Variants in SIPA1L3 observed in about 807,000 individuals in gnomAD.
SIPA1L3 encodes the protein signal induced proliferation associated 1 like 3.
Under a neutral mutation model 150.1 loss-of-function variants are expected in SIPA1L3, and 59 were observed. The ratio of observed to expected loss-of-function variants is 0.39; its 90% confidence interval spans 0.32 to 0.49. The LOEUF is 0.49. Among genes scored for constraint, SIPA1L3 ranks in the 20% least tolerant of loss-of-function variants. SIPA1L3 has a pLI of 0.86. For synonymous variants in SIPA1L3, 1,070 were observed against 1,077.6 expected, an observed-to-expected ratio of 0.99 and a Z score of 0.14; for missense variants, 2,211 against 2,489.5, an observed-to-expected ratio of 0.89 and a Z score of 2.38.
At chr19:38,087,000 T>C (rs1442981559) in intron 3 of SIPA1L3, among the ~76,000 whole-genome samples, 1 of 152,106 alleles carries the variant, frequency 6.6e-6, no homozygotes, top group Non-Finnish European at 1.5e-5. Flanking sequence ...CTTGATCAGG[T>C]GTTGAAGATG....
intron 1 of SIPA1L3, among the ~76,000 whole-genome samples, chr19:37,919,466 A>G (rs1210169390): frequency 6.6e-6 from 1 of 152,172 alleles, no homozygotes; most frequent in African/African-American, 2.4e-5. Context: ...TGAGTTACAG[A>G]GAAGTTCAAG....
chr19:38,100,173 G>A, intron 5 of SIPA1L3, 23 bp downstream of exon 5: 1 of 1,516,946 alleles, frequency 6.6e-7, no homozygotes, highest in Non-Finnish European at 8.8e-7. Context: ...CTGGAGGTGG[G>A]GGTGCTGCTG....
intron 2 of SIPA1L3, among the ~76,000 whole-genome samples, chr19:38,068,726 A>T (rs919374186): frequency 2.0e-5 from 3 of 152,168 alleles, no homozygotes; most frequent in Non-Finnish European, 2.9e-5. Flanking sequence ...TTGTGGTGGC[A>T]CACAGCTGTA....
chr19:37,939,658 G>A (rs2145520398), intron 1 of SIPA1L3, among the ~76,000 whole-genome samples: 1 of 152,332 alleles, frequency 6.6e-6, no homozygotes, highest in African/African-American at 2.4e-5. Context: ...AAGAAAAAAG[G>A]AGACTTAAAT....
At chr19:38,062,564 A>C (rs1328318261) in intron 2 of SIPA1L3, among the ~76,000 whole-genome samples, 2 of 152,172 alleles carry the variant, frequency 1.3e-5, no homozygotes, top group East Asian at 3.9e-4. Context: ...CAGGATGCCC[A>C]CTTGGGCTCA....
chr19:37,985,147 C>T (rs1004597239), intron 1 of SIPA1L3, among the ~76,000 whole-genome samples: 1 of 151,934 alleles, frequency 6.6e-6, no homozygotes, highest in Non-Finnish European at 1.5e-5. Flanking sequence ...CAGTTTGAGA[C>T]CAGCCTGGGC....
At chr19:38,060,817 G>A (rs927215800) in intron 2 of SIPA1L3, among the ~76,000 whole-genome samples, 3 of 151,946 alleles carry the variant, frequency 2.0e-5, no homozygotes, top group African/African-American at 7.3e-5. Flanking sequence ...TCAGCCTCCC[G>A]AGTAGCTGGG....
At chr19:37,942,013 C>T (rs891648826) in intron 1 of SIPA1L3, among the ~76,000 whole-genome samples, 7 of 152,314 alleles carry the variant, frequency 4.6e-5, no homozygotes, top group Non-Finnish European at 7.3e-5. Context: ...TATCTAAGGG[C>T]CTCTTTGCTG....
rs138171157 is a variant in SIPA1L3 at position 38,070,236 on chromosome 19, G to C, written c.-310-11020G>C. On this transcript the variant is annotated intron_variant, in intron 2 of 21. Coordinates refer to ENST00000222345, the MANE Select transcript of SIPA1L3 (RefSeq NM_015073.3). ...TCTATCTATCTATTTTTGAGACAGG[G>C]TCTTGCTCTGTCACCCAGGCTGGAG... Among the ~76,000 whole-genome samples, 358 of 112,338 alleles carry C rather than the reference G, an allele frequency of 3.2e-3. 1 individual carries two copies. The highest frequency in any genetic ancestry group is 0.017 in the African/African-American group (345 of 20,678). The allele number at this position is 112,338 out of a possible 152,430, so 73.7% of individuals were successfully genotyped here. A position where few individuals can be genotyped will look rare whatever the true frequency, so the allele number is the denominator to read the frequency against.
At chr19:38,195,157 C>T (rs370191391) in intron 18 of SIPA1L3, among the ~76,000 whole-genome samples, 56 of 152,312 alleles carry the variant, frequency 3.7e-4, no homozygotes, top group African/African-American at 1.2e-3. Flanking sequence ...CCTCACAGAG[C>T]CTTCCTTTTG....
At chr19:38,106,167 C>T (rs28700884) in intron 6 of SIPA1L3, 6 of 256,340 alleles carry the variant, frequency 2.3e-5, no homozygotes, top group Non-Finnish European at 4.5e-5. Context: ...AGTGCAGTGG[C>T]GTGATCTCGG....
chr19:38,033,800 C>G (rs763209661), intron 2 of SIPA1L3, among the ~76,000 whole-genome samples: 2 of 152,062 alleles, frequency 1.3e-5, no homozygotes, highest in Non-Finnish European at 2.9e-5. Context: ...GCTCAGCCAC[C>G]CACTGTTTTT....
chr19:38,082,064 C>T lies in SIPA1L3; in HGVS notation c.499C>T (p.Arg167Trp). The change falls in exon 3 of 22, where the codon CGG (arginine) becomes TGG (tryptophan). Residue 167 changes from arginine to tryptophan, a missense_variant. By Grantham distance (101) the Arg-to-Trp change is moderately radical (BLOSUM62 -3). Coordinates refer to ENST00000222345, the MANE Select transcript of SIPA1L3 (RefSeq NM_015073.3). ...CCCCGGCAGGGCCTTCCTCCCCCTT[C>T]GGCACCGCAGCAGCAGCGAGATCAC... ...RSPGRAFLPL[R>W]HRSSSEITLS... The T allele has an allele frequency of 1.9e-6, 3 of 1,613,204 alleles. No homozygotes were observed. The highest frequency in any genetic ancestry group is 2.5e-6 in the Non-Finnish European group (3 of 1,179,966).
chr19:38,048,591 A>T (rs1969113636), intron 2 of SIPA1L3, among the ~76,000 whole-genome samples: 1 of 152,182 alleles, frequency 6.6e-6, no homozygotes, highest in Admixed American at 6.5e-5. Flanking sequence ...AGCTGAAAAA[A>T]GCAGAAGTGG....
intron 13 of SIPA1L3, among the ~76,000 whole-genome samples, chr19:38,160,728 A>G (rs902138567): frequency 6.6e-6 from 1 of 151,988 alleles, no homozygotes; most frequent in Non-Finnish European, 1.5e-5. Context: ...CACTACTCTT[A>G]AACCCGCTTC....
intron 16 of SIPA1L3, among the ~76,000 whole-genome samples, chr19:38,191,495 G>T (rs1005970439): frequency 6.6e-5 from 10 of 151,412 alleles, no homozygotes; most frequent in African/African-American, 2.4e-4. Flanking sequence ...TATGGTTCAC[G>T]TTCTGCTGGG....
intron 1 of SIPA1L3, among the ~76,000 whole-genome samples, chr19:37,920,446 ACAGG>A (rs1293109391): frequency 3.9e-5 from 6 of 152,178 alleles, no homozygotes; most frequent in African/African-American, 9.7e-5. Flanking sequence ...AATAATATAG[ACAGG>A]CAGAGAGTGC....
At chr19:38,001,610 A>G (rs977660540) in intron 1 of SIPA1L3, among the ~76,000 whole-genome samples, 1 of 152,062 alleles carries the variant, frequency 6.6e-6, no homozygotes, top group African/African-American at 2.4e-5. Flanking sequence ...TATTATTCGT[A>G]GAGACTGGGT....
chr19:37,930,588 C>T (rs745786727), intron 1 of SIPA1L3, among the ~76,000 whole-genome samples: 2 of 152,208 alleles, frequency 1.3e-5, no homozygotes, highest in Admixed American at 6.5e-5. Flanking sequence ...CGTGGCCACA[C>T]TGTAAAGCCA....
Sources: allele counts gnomAD v4.1 joint callset (sites outside exome capture counted in the v4.1 genomes callset), GRCh38; gene constraint gnomAD v4.1.1; transcripts MANE v1.5; gene names NCBI Gene and HGNC (gene_info 2026-07-23, HGNC 2026-07-21).